Variants in EPHB1 observed in about 807,000 individuals in gnomAD.
EPHB1 encodes ephrin type-B receptor 1.
Under a neutral mutation model 94.4 loss-of-function variants are expected in EPHB1, and 30 were observed. That is an observed-to-expected ratio of 0.32 (90% CI 0.24 to 0.43). The LOEUF (loss-of-function observed/expected upper bound fraction) is 0.43. Among genes scored for constraint, EPHB1 ranks in the 20% least tolerant of loss-of-function variants. EPHB1 has a pLI of 1.00. For synonymous variants in EPHB1, 522 were observed against 489.1 expected (o/e 1.07, Z -0.89); for missense variants, 1,055 against 1,308.3 (o/e 0.81, Z 2.99).
chr3:134,848,267 C>T (rs937676958), intron 1 of EPHB1, among the ~76,000 whole-genome samples: 4 of 152,148 alleles, frequency 2.6e-5, no homozygotes, highest in African/African-American at 9.7e-5. Context: ...GAGGTTGGTT[C>T]TGGGACGTCT....
chr3:135,133,439 A>G (rs1940498969), intron 5 of EPHB1, among the ~76,000 whole-genome samples: 1 of 152,212 alleles, frequency 6.6e-6, no homozygotes, highest in African/African-American at 2.4e-5. Context: ...ACAGAGGGCT[A>G]GGTAGGTGGA....
chr3:134,821,749 G>A (rs2036384851), intron 1 of EPHB1, among the ~76,000 whole-genome samples: 1 of 152,204 alleles, frequency 6.6e-6, no homozygotes, highest in Admixed American at 6.5e-5. Context: ...GGTGTGAAAA[G>A]ATCTAATACA....
At chr3:135,242,937 A>G (rs7652189) in intron 13 of EPHB1, among the ~76,000 whole-genome samples, 52,838 of 151,762 alleles carry the variant, frequency 0.35, 9,242 homozygotes, top group South Asian at 0.44. Context: ...TTAGCCAGGT[A>G]TGGTGGCACA....
chr3:135,118,444 T>G (rs908951022), intron 4 of EPHB1, among the ~76,000 whole-genome samples: 1 of 152,224 alleles, frequency 6.6e-6, no homozygotes, highest in African/African-American at 2.4e-5. Flanking sequence ...TTACAACTGG[T>G]TCCAATTTAT....
Position 135,241,439 on chromosome 3 carries a change from C to T in EPHB1, c.2496+142C>T. ...TCAGGGTAGGGGATACAGGGACACC[C>T]TTAGCATGGATGTTGGAACTAATCA... On this transcript the variant is annotated intron_variant, in intron 13 of 15. Transcript: ENST00000398015. The T allele has an allele frequency of 3.8e-6, 4 of 1,056,080 alleles. No homozygotes were observed. The East Asian group carries it at 7.2e-5, about 19-fold the overall frequency. 65.4% of individuals were successfully genotyped at this position (1,056,080 alleles called of 1,614,324 possible).
intron 15 of EPHB1, among the ~76,000 whole-genome samples, chr3:135,254,665 C>T (rs987528028): frequency 1.4e-5 from 2 of 146,074 alleles, no homozygotes; most frequent in African/African-American, 5.0e-5. Context: ...GGATATTGGT[C>T]TAAAATTCTC....
Position 135,082,436 on chromosome 3 carries a change from A to G in EPHB1, c.806-24012A>G, listed in dbSNP as rs1938198856. Among the ~76,000 whole-genome samples, 3 of 152,330 alleles carry G rather than the reference A, an allele frequency of 2.0e-5. No individual in the cohort carries two copies. The South Asian group carries it at 6.2e-4, about 32-fold the overall frequency. Reference sequence around the variant, plus strand: ...CAAATCACTGTACATGCATTATCACATTCCTAATTTACAGATGAGGATCCT... The same window carrying G: ...CAAATCACTGTACATGCATTATCACGTTCCTAATTTACAGATGAGGATCCT... On this transcript the variant is annotated intron_variant, in intron 3 of 15. Transcript: ENST00000398015.
chr3:134,955,957 C>G (rs890445496), intron 3 of EPHB1, among the ~76,000 whole-genome samples: 2 of 152,164 alleles, frequency 1.3e-5, no homozygotes, highest in Non-Finnish European at 2.9e-5. Context: ...TAAGTCTATT[C>G]TCTGTGTAGG....
intron 3 of EPHB1, among the ~76,000 whole-genome samples, chr3:135,046,392 C>A (rs1476750684): frequency 1.3e-5 from 2 of 152,302 alleles, no homozygotes; most frequent in East Asian, 3.9e-4. Context: ...TCCATATCAA[C>A]CAGCACAGGG....
intron 1 of EPHB1, among the ~76,000 whole-genome samples, chr3:134,880,563 G>GACA (rs2037711589): frequency 6.6e-6 from 1 of 152,172 alleles, no homozygotes; most frequent in Non-Finnish European, 1.5e-5. Flanking sequence ...GTAGCCCCCC[G>GACA]ACACAGCCAA....
At chr3:135,109,984 C>T (rs933494302) in intron 4 of EPHB1, among the ~76,000 whole-genome samples, 13 of 152,304 alleles carry the variant, frequency 8.5e-5, no homozygotes, top group Admixed American at 5.2e-4. Flanking sequence ...AGGTGAACAG[C>T]AATGTGAAAC....
intron 13 of EPHB1, among the ~76,000 whole-genome samples, chr3:135,246,157 C>G (rs1943918297): frequency 6.6e-6 from 1 of 152,102 alleles, no homozygotes; most frequent in African/African-American, 2.4e-5. Context: ...ATTAACTGCC[C>G]TGCACTGGAA....
intron 12 of EPHB1, among the ~76,000 whole-genome samples, chr3:135,230,504 C>T (rs1017767656): frequency 6.6e-6 from 1 of 152,168 alleles, no homozygotes; most frequent in Non-Finnish European, 1.5e-5. Flanking sequence ...ACCCAGGCTT[C>T]AGGGACTAAA....
chr3:135,066,997 G>C (rs909542705), intron 3 of EPHB1, among the ~76,000 whole-genome samples: 1 of 152,162 alleles, frequency 6.6e-6, no homozygotes, highest in Admixed American at 6.5e-5. Flanking sequence ...ACCAGGCTCT[G>C]GGCTGTTACT....
intron 3 of EPHB1, among the ~76,000 whole-genome samples, chr3:135,091,184 A>G (rs1938538248): frequency 6.6e-6 from 1 of 152,178 alleles, no homozygotes; most frequent in Admixed American, 6.5e-5. Flanking sequence ...GGGACCAACT[A>G]CAAAGCTGAG....
At chr3:135,037,203 C>G (rs933556538) in intron 3 of EPHB1, among the ~76,000 whole-genome samples, 3 of 152,204 alleles carry the variant, frequency 2.0e-5, no homozygotes, top group African/African-American at 7.2e-5. Context: ...GAAACTAAAT[C>G]TCCTTACTCC....
intron 3 of EPHB1, among the ~76,000 whole-genome samples, chr3:135,102,486 C>T (rs915028685): frequency 1.3e-5 from 2 of 152,134 alleles, no homozygotes; most frequent in African/African-American, 4.8e-5. Flanking sequence ...ATATTGTTAA[C>T]TTTTGTTTCT....
chr3:135,102,298 A>G (rs1221124086), intron 3 of EPHB1, among the ~76,000 whole-genome samples: 3 of 152,186 alleles, frequency 2.0e-5, no homozygotes, highest in Non-Finnish European at 4.4e-5. Flanking sequence ...GCTGCTTTAT[A>G]TTCTCAAGTG....
At chr3:135,039,996 A>G in intron 3 of EPHB1, among the ~76,000 whole-genome samples, 1 of 152,222 alleles carries the variant, frequency 6.6e-6, no homozygotes, top group South Asian at 2.1e-4. Context: ...CCAGCCACCA[A>G]CTGAATACAT....
Sources: allele counts gnomAD v4.1 joint callset (sites outside exome capture counted in the v4.1 genomes callset), GRCh38; gene constraint gnomAD v4.1.1; transcripts MANE v1.5; gene names NCBI Gene and HGNC (gene_info 2026-07-23, HGNC 2026-07-21).